The following NFAT5 variants were observed in gnomAD, a reference collection of about 807,000 sequenced individuals.
NFAT5 encodes nuclear factor of activated T-cells 5.
In NFAT5, 31 loss-of-function variants were observed where a neutral mutation model predicts 166.5. The ratio of observed to expected loss-of-function variants is 0.19; its 90% CI spans 0.14 to 0.25. The LOEUF is 0.25. Among genes scored for constraint, NFAT5 ranks in the 10% least tolerant of loss-of-function variants. The pLI is 1.00. For synonymous variants in NFAT5, 612 were observed against 639.7 expected (o/e 0.96, Z 0.65); for missense variants, 1,449 against 1,821.8 (o/e 0.80, Z 3.72).
intron 11 of NFAT5, chr16:69,690,438 T>C (rs1210443354): frequency 6.6e-6 from 1 of 152,234 alleles, no homozygotes; most frequent in Non-Finnish European, 1.5e-5. Flanking sequence ...GCAAAATTTA[T>C]TAATCACTGG....
intron 2 of NFAT5, among the ~76,000 whole-genome samples, chr16:69,606,947 G>T (rs2033443589): frequency 6.6e-6 from 1 of 152,156 alleles, no homozygotes; most frequent in South Asian, 2.1e-4. Context: ...ATTGCCTTTG[G>T]AATAAAAGAA....
At chr16:69,592,799 A>T (rs186421974) in intron 2 of NFAT5, among the ~76,000 whole-genome samples, 115 of 152,310 alleles carry the variant, frequency 7.6e-4, no homozygotes, top group African/African-American at 2.5e-3. Context: ...TATATCCTTT[A>T]AAGGCAAATA....
chr16:69,627,438 A>G (rs1037197663), intron 3 of NFAT5, among the ~76,000 whole-genome samples: 3 of 149,798 alleles, frequency 2.0e-5, no homozygotes, highest in Non-Finnish European at 3.0e-5. Flanking sequence ...GACACCTCTC[A>G]TCTTTAAAAA....
chr16:69,610,437 G>A (rs1476682119), intron 2 of NFAT5, among the ~76,000 whole-genome samples: 1 of 152,120 alleles, frequency 6.6e-6, no homozygotes, highest in Non-Finnish European at 1.5e-5. Context: ...ATCACTTAAG[G>A]TAGATGATTT....
At position 69,688,213 on chromosome 16, in the gene NFAT5, A is replaced by ACAAAC. The variant is rs1389730091; in HGVS notation, c.1775-2727_1775-2726insCAAAC. Among the ~76,000 whole-genome samples, 156 of 95,908 alleles carry ACAAAC rather than the reference A, an allele frequency of 1.6e-3. 2 individuals carry two copies. The highest frequency in any genetic ancestry group is 3.5e-3 in the African/African-American group (94 of 26,644). 62.9% of individuals were successfully genotyped at this position (95,908 alleles called of 152,430 possible). ...GCGAGACTCCGTCTCAAAAAAAAAA[A>ACAAAC]AAAAAAAAAAAAACCAGGAGTTTGA... is the stretch of plus-strand genomic sequence containing the variant. On this transcript the variant is annotated intron_variant, in intron 11 of 14. Coordinates refer to ENST00000349945, the MANE Select transcript of NFAT5 (RefSeq NM_138713.4).
At chr16:69,639,577 A>G (rs1032640691) in intron 3 of NFAT5, among the ~76,000 whole-genome samples, 23 of 152,226 alleles carry the variant, frequency 1.5e-4, no homozygotes, top group Non-Finnish European at 3.4e-4. Flanking sequence ...TTAAAAAAAT[A>G]GAGCCTCTAG....
At chr16:69,619,412 C>G (rs1270899656) in intron 2 of NFAT5, among the ~76,000 whole-genome samples, 3 of 152,162 alleles carry the variant, frequency 2.0e-5, no homozygotes, top group African/African-American at 2.4e-5. Flanking sequence ...CAGCTTATTT[C>G]TACTCCTCCT....
At chr16:69,597,334 T>C (rs1238847800) in intron 2 of NFAT5, among the ~76,000 whole-genome samples, 2 of 152,174 alleles carry the variant, frequency 1.3e-5, no homozygotes, top group Admixed American at 1.3e-4. Flanking sequence ...GTTAGAAATA[T>C]TTTAGCCAAC....
chr16:69,581,881 CT>C (rs551104884), intron 2 of NFAT5, among the ~76,000 whole-genome samples: 151 of 152,196 alleles, frequency 9.9e-4, no homozygotes, highest in African/African-American at 3.4e-3. Context: ...TATGCATTAA[CT>C]TTTTTTGGTG....
At chr16:69,676,133 A>G (rs757844791) in intron 9 of NFAT5, among the ~76,000 whole-genome samples, 6 of 152,232 alleles carry the variant, frequency 3.9e-5, no homozygotes, top group Non-Finnish European at 7.3e-5. Flanking sequence ...CTCAGCTGTC[A>G]GCTTCGGCCT....
intron 3 of NFAT5, among the ~76,000 whole-genome samples, chr16:69,645,347 A>C (rs1446096264): frequency 6.6e-6 from 1 of 152,214 alleles, no homozygotes; most frequent in East Asian, 1.9e-4. Flanking sequence ...TACATACTGG[A>C]AAATGGAACT....
chr16:69,681,983 A>AGGT (rs2037081865), intron 10 of NFAT5, among the ~76,000 whole-genome samples: 1 of 151,824 alleles, frequency 6.6e-6, no homozygotes, highest in Non-Finnish European at 1.5e-5. Flanking sequence ...CATGGTCTAA[A>AGGT]GGTAGGGTCA....
At chr16:69,584,823 G>T (rs1179078491) in intron 2 of NFAT5, among the ~76,000 whole-genome samples, 1 of 151,976 alleles carries the variant, frequency 6.6e-6, no homozygotes, top group Non-Finnish European at 1.5e-5. Context: ...ATGCACAGCT[G>T]TGACTCTGCT....
chr16:69,627,379 T>C (rs1452383480), intron 3 of NFAT5, among the ~76,000 whole-genome samples: 1 of 126,224 alleles, frequency 7.9e-6, no homozygotes, highest in African/African-American at 2.9e-5. Context: ...TATATATATA[T>C]ATATTTTGAA....
intron 2 of NFAT5, among the ~76,000 whole-genome samples, chr16:69,590,705 C>T (rs955653199): frequency 6.6e-6 from 1 of 152,140 alleles, no homozygotes; most frequent in African/African-American, 2.4e-5. Context: ...GGAGATTTGT[C>T]CCATGTAATT....
chr16:69,630,330 C>G (rs1175004012), intron 3 of NFAT5, among the ~76,000 whole-genome samples: 1 of 151,936 alleles, frequency 6.6e-6, no homozygotes, highest in Non-Finnish European at 1.5e-5. Flanking sequence ...CTATGCTCGG[C>G]CCTGGATTGT....
At chr16:69,618,049 T>A (rs2034035138) in intron 2 of NFAT5, among the ~76,000 whole-genome samples, 1 of 151,722 alleles carries the variant, frequency 6.6e-6, no homozygotes, top group Non-Finnish European at 1.5e-5. Context: ...TCCCAGCTAT[T>A]TGGGAGGCTG....
At chr16:69,638,144 G>A (rs185035098) in intron 3 of NFAT5, among the ~76,000 whole-genome samples, 124 of 152,014 alleles carry the variant, frequency 8.2e-4, no homozygotes, top group African/African-American at 2.5e-3. Context: ...GTTTGAACCC[G>A]GGAGGCGGAG....
intron 10 of NFAT5, 49 bp downstream of exon 10, chr16:69,677,384 G>GT (rs767888047): frequency 1.0e-5 from 15 of 1,475,104 alleles, no homozygotes; most frequent in Non-Finnish European, 1.4e-5. Flanking sequence ...TTAATTTCCA[G>GT]TTTTTTGAAA....
Sources: gnomAD v4.1 joint callset for allele counts (sites outside exome capture counted in the v4.1 genomes callset) on GRCh38, gnomAD v4.1.1 for gene constraint, MANE v1.5 for transcripts, NCBI Gene and HGNC (gene_info 2026-07-23, HGNC 2026-07-21) for gene names.